Variants in CLIC5 observed in about 807,000 individuals in gnomAD.
The protein encoded by CLIC5 is CLIC family member 5.
CLIC5 carries 20 observed loss-of-function variants against 24.7 expected under a neutral mutation model. The ratio of observed to expected loss-of-function variants is 0.81; its 90% CI spans 0.57 to 1.18. The LOEUF is 1.18. CLIC5 is among the 50% of genes most tolerant of loss of function. The pLI is 0.00. For missense variants in CLIC5, 341 were observed against 326.1 expected, an observed-to-expected ratio of 1.05 and a Z score of -0.35; for synonymous variants, 159 against 135.6, an observed-to-expected ratio of 1.17 and a Z score of -1.20.
chr6:45,887,561 A>C (rs1206048685), intron 6 of CLIC5, among the ~76,000 whole-genome samples: 2 of 151,874 alleles, frequency 1.3e-5, no homozygotes, highest in Non-Finnish European at 2.9e-5. Context: ...TTTATATCTC[A>C]AGCATAGTTT....
At chr6:45,922,660 C>T (rs1317631096) in intron 4 of CLIC5, among the ~76,000 whole-genome samples, 1 of 152,054 alleles carries the variant, frequency 6.6e-6, no homozygotes, top group Non-Finnish European at 1.5e-5. Flanking sequence ...GACTCCAGAT[C>T]CAAATAATTT....
At chr6:46,046,997 C>T (rs948859136) in intron 1 of CLIC5, among the ~76,000 whole-genome samples, 2 of 152,212 alleles carry the variant, frequency 1.3e-5, no homozygotes, top group African/African-American at 4.8e-5. Context: ...CTCTCACTTT[C>T]ACTGCTCCCT....
intron 3 of CLIC5, among the ~76,000 whole-genome samples, chr6:45,947,921 G>T (rs1764339858): frequency 6.6e-6 from 1 of 152,200 alleles, no homozygotes; most frequent in South Asian, 2.1e-4. Context: ...GTGCAAATAA[G>T]CTGACTGAAT....
chr6:46,057,023 A>G (rs1768278965), intron 1 of CLIC5, among the ~76,000 whole-genome samples: 1 of 152,156 alleles, frequency 6.6e-6, no homozygotes, highest in Non-Finnish European at 1.5e-5. Flanking sequence ...CTACCTTCTA[A>G]ATGGTTTTCA....
the CLIC5 span, among the ~76,000 whole-genome samples, chr6:46,116,703 C>T: frequency 5.3e-5 from 8 of 152,086 alleles, no homozygotes; most frequent in African/African-American, 1.7e-4. Context: ...CTAGCACTTG[C>T]GGGATATTGT....
At chr6:46,084,256 G>A (rs1293882874), upstream of CLIC5, among the ~76,000 whole-genome samples, 3 of 152,020 alleles carry the variant, frequency 2.0e-5, no homozygotes, top group Non-Finnish European at 4.4e-5. Flanking sequence ...CTTTTAATTG[G>A]AGCATTTAGT....
At chr6:46,074,025 G>A (rs752898551) in intron 1 of CLIC5, among the ~76,000 whole-genome samples, 4 of 152,132 alleles carry the variant, frequency 2.6e-5, no homozygotes, top group Non-Finnish European at 5.9e-5. Flanking sequence ...CTTGGCCAAG[G>A]AAAGAGGTCC....
intron 4 of CLIC5, 72 bp downstream of exon 4, chr6:45,941,474 TG>T: frequency 8.6e-7 from 1 of 1,161,204 alleles, no homozygotes; most frequent in Non-Finnish European, 1.3e-6. Flanking sequence ...GACATGCCTA[TG>T]GGCAAATTGA....
At chr6:45,992,026 G>A (rs772885280) in intron 1 of CLIC5, among the ~76,000 whole-genome samples, 1 of 152,162 alleles carries the variant, frequency 6.6e-6, no homozygotes, top group Non-Finnish European at 1.5e-5. Flanking sequence ...GGAAAGATGG[G>A]CATCAGAATA....
upstream of CLIC5, among the ~76,000 whole-genome samples, chr6:46,083,780 G>A (rs1167454138): frequency 7.9e-5 from 12 of 151,968 alleles, no homozygotes; most frequent in Non-Finnish European, 1.5e-5. Flanking sequence ...TTCTGTAGAT[G>A]TCTATTAGGT....
At chr6:45,989,914 A>G (rs564024416) in intron 1 of CLIC5, among the ~76,000 whole-genome samples, 3 of 152,220 alleles carry the variant, frequency 2.0e-5, no homozygotes, top group Admixed American at 1.3e-4. Context: ...TCTCACATCC[A>G]TGCACTCTCT....
chr6:46,043,475 G>C (rs984469961), intron 1 of CLIC5, among the ~76,000 whole-genome samples: 1 of 152,192 alleles, frequency 6.6e-6, no homozygotes, highest in South Asian at 2.1e-4. Context: ...ATAGAGAAAG[G>C]CTGGAGGTGG....
At chr6:45,906,310 C>T (rs1209632683) in intron 5 of CLIC5, among the ~76,000 whole-genome samples, 1 of 151,960 alleles carries the variant, frequency 6.6e-6, no homozygotes, top group Non-Finnish European at 1.5e-5. Context: ...GACAGTATGG[C>T]CATTTTATCA....
At position 45,996,689 on chromosome 6, in the gene CLIC5, C is replaced by T. The variant is rs376550692; in HGVS notation, c.63+18791G>A. Among the ~76,000 whole-genome samples the T allele has an allele frequency of 1.8e-3, 270 of 152,080 alleles. 8 individuals carry two copies. The East Asian group carries it at 0.043, about 24-fold the overall frequency. On this transcript the variant is annotated intron_variant, in intron 1 of 5. Transcript: ENST00000339561. ...ACAAACAACCCCATCAAAAAGTGGG[C>T]GAAGGATATGAACAGACACTTCTCA...
chr6:45,954,385 T>A (rs985534089), intron 2 of CLIC5, among the ~76,000 whole-genome samples: 5 of 151,746 alleles, frequency 3.3e-5, no homozygotes, highest in African/African-American at 4.8e-5. Flanking sequence ...TAGACATACA[T>A]GATAAGAGAA....
At chr6:45,888,483 A>G (rs138393514) in intron 6 of CLIC5, among the ~76,000 whole-genome samples, 7 of 152,336 alleles carry the variant, frequency 4.6e-5, no homozygotes, top group Admixed American at 2.0e-4. Flanking sequence ...GCTATAAGCT[A>G]GGTAAGGAAC....
upstream of CLIC5, among the ~76,000 whole-genome samples, chr6:46,017,860 G>A (rs867232296): frequency 3.9e-5 from 6 of 152,204 alleles, no homozygotes; most frequent in African/African-American, 7.2e-5. Flanking sequence ...CTTTATGGCA[G>A]GCTGTGTCCC....
intron 1 of CLIC5, among the ~76,000 whole-genome samples, chr6:45,987,619 C>G (rs1052263458): frequency 6.6e-6 from 1 of 152,172 alleles, no homozygotes. Flanking sequence ...GTTCTGGAAG[C>G]TGGGAAATCC....
At chr6:46,017,325 A>G (rs1454197718), upstream of CLIC5, among the ~76,000 whole-genome samples, 1 of 152,250 alleles carries the variant, frequency 6.6e-6, no homozygotes, top group East Asian at 1.9e-4. Flanking sequence ...TAATAAAAAA[A>G]TAAGTAATAA....
Sources: gnomAD v4.1 joint callset for allele counts (sites outside exome capture counted in the v4.1 genomes callset) on GRCh38, gnomAD v4.1.1 for gene constraint, MANE v1.5 for transcripts, NCBI Gene and HGNC (gene_info 2026-07-23, HGNC 2026-07-21) for gene names.